PGAP2: variants seen among roughly 807,000 people sequenced by gnomAD.
PGAP2 encodes the protein post-GPI attachment to proteins 2, also known as acyltransferase PGAP2.
PGAP2 carries 21 observed loss-of-function variants against 33.2 expected under a neutral mutation model. The observed-to-expected ratio is 0.63, with a 90% CI of 0.45 to 0.91. The LOEUF (loss-of-function observed/expected upper bound fraction) is 0.91, where lower values mean the gene tolerates loss of function less well. PGAP2 is among the 40% of genes least tolerant of loss of function. PGAP2 has a pLI of 0.00. For missense variants in PGAP2, 345 were observed against 424.0 expected (o/e 0.81, Z 1.64); for synonymous variants, 161 against 172.9 (o/e 0.93, Z 0.54).
intron 2 of PGAP2, among the ~76,000 whole-genome samples, chr11:3,813,731 C>T (rs1169743819): frequency 6.6e-6 from 1 of 152,076 alleles, no homozygotes; most frequent in South Asian, 2.1e-4. Flanking sequence ...GCCCAGTGCC[C>T]TGGGGAAAGG....
At chr11:3,812,388 C>T (rs1445900009) in intron 2 of PGAP2, among the ~76,000 whole-genome samples, 1 of 152,114 alleles carries the variant, frequency 6.6e-6, no homozygotes, top group Admixed American at 6.5e-5. Context: ...ATGGTTTTCT[C>T]ACTGTACTTC....
intron 1 of PGAP2, among the ~76,000 whole-genome samples, chr11:3,802,487 T>A (rs1314257759): frequency 6.6e-6 from 1 of 152,224 alleles, no homozygotes. Flanking sequence ...CCAAGCCCTG[T>A]CCTGGACATC....
chr11:3,799,858 T>G (rs1278559176), intron 1 of PGAP2, among the ~76,000 whole-genome samples: 1 of 152,040 alleles, frequency 6.6e-6, no homozygotes, highest in Non-Finnish European at 1.5e-5. Flanking sequence ...TCCCAGCTAC[T>G]AGGGAGGCTG....
chr11:3,808,374 G>A (rs2084827504), upstream of PGAP2: 1 of 1,549,552 alleles, frequency 6.5e-7, no homozygotes, highest in South Asian at 1.2e-5. Flanking sequence ...GAGCTCTTCC[G>A]GCTGCCCTCA....
chr11:3,805,628 G>C (rs2084184861), upstream of PGAP2, among the ~76,000 whole-genome samples: 1 of 149,664 alleles, frequency 6.7e-6, no homozygotes, highest in Admixed American at 6.6e-5. Flanking sequence ...CAGCACTTTG[G>C]GAGGCCAAGG....
At chr11:3,802,986 C>G (rs2083698335) in intron 1 of PGAP2, among the ~76,000 whole-genome samples, 1 of 144,592 alleles carries the variant, frequency 6.9e-6, no homozygotes, top group Non-Finnish European at 1.5e-5. Context: ...GCCACCACAC[C>G]CGGCTAATTT....
intron 1 of PGAP2, among the ~76,000 whole-genome samples, chr11:3,802,983 C>T (rs1235553789): frequency 6.9e-6 from 1 of 144,102 alleles, no homozygotes; most frequent in African/African-American, 2.5e-5. Context: ...CCTGCCACCA[C>T]ACCCGGCTAA....
upstream of PGAP2, among the ~76,000 whole-genome samples, chr11:3,805,760 C>G (rs2084213047): frequency 6.6e-6 from 1 of 151,276 alleles, no homozygotes; most frequent in South Asian, 2.1e-4. Flanking sequence ...GATCTCGGCT[C>G]ACTGCAACCT....
At chr11:3,812,537 G>A (rs191159899) in intron 2 of PGAP2, among the ~76,000 whole-genome samples, 299 of 152,340 alleles carry the variant, frequency 2.0e-3, no homozygotes, top group African/African-American at 6.4e-3. Flanking sequence ...ATGATGAAAT[G>A]TGAGGAGCAG....
At chr11:3,819,547 G>T (rs1296851078) in intron 3 of PGAP2, among the ~76,000 whole-genome samples, 1 of 152,100 alleles carries the variant, frequency 6.6e-6, no homozygotes, top group African/African-American at 2.4e-5. Context: ...TTTTACCTGA[G>T]GCCAAAGGAA....
chr11:3,825,417 G>C lies in PGAP2; in HGVS notation c.907G>C (p.Glu303Gln), dbSNP rs2089852645. The change falls in exon 7 of 7, where the codon GAG becomes CAG. Residue 303 changes from glutamate (E) to glutamine (Q), a missense_variant. By Grantham distance (29) the Glu-to-Gln change is conservative. Around this residue, in one of 2 missense-constraint regions of PGAP2, gnomAD observed 311 missense variants for 353.6 expected, o/e 0.88. Transcript: ENST00000278243. Reference protein sequence around the residue: ...MTAWWDFGNKELLITSQPEEK... With the variant: ...MTAWWDFGNKQLLITSQPEEK... ...GGCCTGGTGGGACTTCGGGAACAAG[G>C]AGCTGCTCATAACCTCTCAGCCTGA... 2 of 1,613,864 alleles carry C rather than the reference G, an allele frequency of 1.2e-6. No individual in the cohort carries two copies.
exon 1 of PGAP2, chr11:3,797,914 T>C: frequency 9.0e-6 from 14 of 1,547,914 alleles, no homozygotes; most frequent in Non-Finnish European, 1.2e-5. Context: ...TCCGCCCCCT[T>C]CCTTGGAGCG....
chr11:3,815,016 C>T (rs1003639319), intron 2 of PGAP2, among the ~76,000 whole-genome samples: 2 of 151,280 alleles, frequency 1.3e-5, no homozygotes, highest in Non-Finnish European at 2.9e-5. Flanking sequence ...TGGCTCACTG[C>T]GACCTCTGCC....
upstream of PGAP2, chr11:3,808,471 G>A (rs2084859794): frequency 6.9e-7 from 1 of 1,454,888 alleles, no homozygotes; most frequent in Non-Finnish European, 9.1e-7. Flanking sequence ...AGGGGTCGGG[G>A]TCTCCAGAAG....
intron 5 of PGAP2, chr11:3,824,808 G>A: frequency 7.0e-7 from 1 of 1,433,896 alleles, no homozygotes; most frequent in South Asian, 1.5e-5. Flanking sequence ...GAAGCGGCAG[G>A]AATACCACTG....
chr11:3,809,771 T>C (rs2085163420), intron 1 of PGAP2, among the ~76,000 whole-genome samples: 1 of 152,190 alleles, frequency 6.6e-6, no homozygotes, highest in Non-Finnish European at 1.5e-5. Flanking sequence ...CTGGGATCCC[T>C]GATGCTCCTA....
upstream of PGAP2, chr11:3,808,258 GGCCCCT>G (rs1469345028): frequency 6.4e-7 from 1 of 1,550,672 alleles, no homozygotes. Flanking sequence ...AAAGAAATCC[GGCCCCT>G]GTTGAATTAA....
upstream of PGAP2, chr11:3,807,929 T>TG: frequency 1.8e-6 from 1 of 560,500 alleles, no homozygotes; most frequent in Non-Finnish European, 2.4e-6. Context: ...CAGCTGGTTT[T>TG]GGGGGATCAA....
At chr11:3,823,466 C>A (rs1228828487) in intron 3 of PGAP2, 1 of 791,076 alleles carries the variant, frequency 1.3e-6, no homozygotes, top group Non-Finnish European at 2.0e-6. Context: ...CAGCACTGTT[C>A]TAAGGAAGCT....
Sources: allele counts gnomAD v4.1 joint callset (sites outside exome capture counted in the v4.1 genomes callset), GRCh38; gene constraint gnomAD v4.1.1; regional missense constraint gnomAD v4.1.1; transcripts MANE v1.5; gene names NCBI Gene and HGNC (gene_info 2026-07-23, HGNC 2026-07-21).